The following ADAM18 variants were observed in gnomAD, a reference collection of about 807,000 sequenced individuals.
ADAM18 encodes disintegrin and metalloproteinase domain-containing protein 18.
ADAM18 carries 117 observed loss-of-function variants against 94.4 expected under a neutral mutation model. That is an observed-to-expected ratio of 1.24 (90% confidence interval 1.07 to 1.45). ADAM18 has a LOEUF of 1.45. Among genes scored for constraint, ADAM18 ranks in the 40% most tolerant of loss-of-function variants. The pLI, the probability that ADAM18 is intolerant of heterozygous loss-of-function variation, is 0.00. For missense variants in ADAM18, 936 were observed against 880.0 expected, an observed-to-expected ratio of 1.06 and a Z score of -0.81; for synonymous variants, 327 against 291.6, an observed-to-expected ratio of 1.12 and a Z score of -1.24.
At chr8:39,671,525 A>G (rs117911478) in intron 14 of ADAM18, among the ~76,000 whole-genome samples, 2,095 of 152,316 alleles carry the variant, frequency 0.014, 21 homozygotes, top group Middle Eastern at 0.031. Context: ...TAAACTCTAT[A>G]TAAGTTTGAA....
At position 39,615,947 on chromosome 8, in the gene ADAM18, A is replaced by G. The variant is rs930726450; in HGVS notation, c.522+5241A>G. On this transcript the variant is annotated intron_variant, in intron 6 of 19. Transcript: ENST00000265707. ...AACTGAGGGGCAAATCAAGAACACA[A>G]TCTCATTCACATTAGCCACAAAAAA... Among the ~76,000 whole-genome samples the G allele has an allele frequency of 1.3e-4, 20 of 152,342 alleles. 3 individuals carry two copies. Among genetic ancestry groups the G allele is most frequent in the Admixed American group, 3.9e-4 (6 of 15,304 alleles).
intron 17 of ADAM18, among the ~76,000 whole-genome samples, chr8:39,701,592 T>G (rs1182679875): frequency 6.6e-6 from 1 of 152,114 alleles, no homozygotes; most frequent in East Asian, 1.9e-4. Flanking sequence ...CACCCAGGTA[T>G]TAAGCCTAGT....
intron 10 of ADAM18, among the ~76,000 whole-genome samples, chr8:39,645,121 T>C (rs1052564261): frequency 2.0e-5 from 3 of 152,156 alleles, no homozygotes; most frequent in Non-Finnish European, 4.4e-5. Flanking sequence ...GCGTGCAAAA[T>C]TTAAAACCAG....
chr8:39,590,795 C>T (rs951010934), intron 2 of ADAM18, among the ~76,000 whole-genome samples: 3 of 152,078 alleles, frequency 2.0e-5, no homozygotes, highest in Non-Finnish European at 4.4e-5. Flanking sequence ...AATTAGCACT[C>T]GATTCAGAAA....
In ADAM18 at chr8:39,609,069, T is replaced by C. The variant is rs1819180233; in HGVS notation, c.216T>C (p.Val72=). Residue 72 remains valine, a synonymous_variant, in exon 4 of 20, where the codon GTT becomes GTC. Transcript: ENST00000265707. ...CATTCTTACCCCAGAACTTTTTGGT[T>C]TATACATATAATGAAACTGGATCTT... ...KQSFLPQNFL[V]YTYNETGSLH... The C allele has an allele frequency of 6.3e-7, 1 of 1,589,922 alleles. No homozygotes were observed. The highest frequency in any genetic ancestry group is 8.6e-7 in the Non-Finnish European group (1 of 1,167,474).
chr8:39,642,085 T>G (rs908226797), intron 10 of ADAM18, among the ~76,000 whole-genome samples: 1 of 152,204 alleles, frequency 6.6e-6, no homozygotes, highest in African/African-American at 2.4e-5. Context: ...GTTCGTGTCC[T>G]TTGCCCAATT....
intron 16 of ADAM18, chr8:39,685,554 T>A (rs545540163): frequency 1.3e-5 from 2 of 152,332 alleles, no homozygotes; most frequent in Non-Finnish European, 2.9e-5. Flanking sequence ...TTCCATTGAG[T>A]TGGGGAATAT....
At chr8:39,605,302 A>T (rs1247814895) in intron 2 of ADAM18, among the ~76,000 whole-genome samples, 1 of 152,174 alleles carries the variant, frequency 6.6e-6, no homozygotes, top group East Asian at 1.9e-4. Flanking sequence ...CCCCCTGAAG[A>T]ATTTAATGGC....
At chr8:39,719,146 G>T (rs773232529) in intron 18 of ADAM18, among the ~76,000 whole-genome samples, 4 of 151,268 alleles carry the variant, frequency 2.6e-5, no homozygotes, top group Non-Finnish European at 5.9e-5. Flanking sequence ...AGACATACAG[G>T]TCAGTAAAAT....
At chr8:39,669,449 T>TG (rs1821090604) in intron 14 of ADAM18, among the ~76,000 whole-genome samples, 1 of 142,702 alleles carries the variant, frequency 7.0e-6, no homozygotes, top group African/African-American at 2.6e-5. Context: ...TATCTCCTAA[T>TG]GCTATCCCTC....
At chr8:39,587,035 G>A (rs1246449484) in intron 2 of ADAM18, among the ~76,000 whole-genome samples, 2 of 152,048 alleles carry the variant, frequency 1.3e-5, no homozygotes, top group Admixed American at 6.6e-5. Flanking sequence ...TTATTGTATA[G>A]GGTATTATTT....
intron 12 of ADAM18, among the ~76,000 whole-genome samples, chr8:39,654,070 T>G (rs1820616444): frequency 6.7e-6 from 1 of 150,206 alleles, no homozygotes; most frequent in Non-Finnish European, 1.5e-5. Flanking sequence ...CATGTGATAT[T>G]TGCCTTCTTG....
At chr8:39,677,407 C>T in intron 14 of ADAM18, 24 bp from the exon 15 acceptor site, 1 of 1,543,296 alleles carries the variant, frequency 6.5e-7, no homozygotes, top group East Asian at 2.3e-5. Flanking sequence ...AATGATAATT[C>T]AACTGACATG....
intron 16 of ADAM18, among the ~76,000 whole-genome samples, chr8:39,683,106 C>A (rs374165988): frequency 1.3e-5 from 2 of 152,116 alleles, no homozygotes; most frequent in Non-Finnish European, 2.9e-5. Flanking sequence ...CAGTATTTTC[C>A]GTTTTGTTCT....
intron 10 of ADAM18, among the ~76,000 whole-genome samples, chr8:39,639,178 C>T (rs1412548379): frequency 1.3e-5 from 2 of 151,712 alleles, no homozygotes; most frequent in Non-Finnish European, 2.9e-5. Context: ...TAATTTTTAT[C>T]GAGTTTATGC....
chr8:39,598,929 A>G (rs1317984026), intron 2 of ADAM18, among the ~76,000 whole-genome samples: 5 of 151,928 alleles, frequency 3.3e-5, no homozygotes, highest in African/African-American at 1.2e-4. Flanking sequence ...ATCCTGCCCC[A>G]GCCTCCTGAG....
chr8:39,681,781 G>C (rs1010069792), intron 16 of ADAM18, among the ~76,000 whole-genome samples: 1 of 152,070 alleles, frequency 6.6e-6, no homozygotes, highest in Non-Finnish European at 1.5e-5. Context: ...GAGGAAGTAA[G>C]GTTCTTTTTA....
intron 12 of ADAM18, among the ~76,000 whole-genome samples, chr8:39,657,625 AAAAGGGGTT>A (rs1820724416): frequency 6.6e-6 from 1 of 152,082 alleles, no homozygotes; most frequent in Non-Finnish European, 1.5e-5. Context: ...CTAGTTACTA[AAAAGGGGTT>A]AAAGGGAACA....
intron 6 of ADAM18, among the ~76,000 whole-genome samples, chr8:39,623,831 C>T (rs974939102): frequency 4.0e-5 from 6 of 151,570 alleles, no homozygotes; most frequent in African/African-American, 1.5e-4. Context: ...CTCCTGACCT[C>T]GTGATCCACC....
Sources: gnomAD v4.1 joint callset for allele counts (sites outside exome capture counted in the v4.1 genomes callset) on GRCh38, gnomAD v4.1.1 for gene constraint, MANE v1.5 for transcripts, NCBI Gene and HGNC (gene_info 2026-07-23, HGNC 2026-07-21) for gene names.